Variants in HK2 observed in about 807,000 individuals in gnomAD.
HK2 encodes hexokinase 2, also known as hexokinase-2.
A neutral mutation model predicts 92.9 loss-of-function variants in HK2; 42 were observed. That is an observed-to-expected ratio of 0.45 (90% CI 0.35 to 0.58). The LOEUF is 0.58. HK2 is among the 20% of genes least tolerant of loss of function. The pLI is 0.00. For synonymous variants in HK2, 422 were observed against 468.0 expected, an observed-to-expected ratio of 0.90 and a Z score of 1.27; for missense variants, 978 against 1,245.1, an observed-to-expected ratio of 0.79 and a Z score of 3.23.
chr2:74,881,593 T>C, intron 10 of HK2, 118 bp from the exon 11 acceptor site: 1 of 992,088 alleles, frequency 1.0e-6, no homozygotes, highest in Non-Finnish European at 1.6e-6. Flanking sequence ...TTCTAGAATG[T>C]AATATAAAGT....
chr2:74,837,495 T>A (rs1234341567), intron 1 of HK2, among the ~76,000 whole-genome samples: 1 of 152,144 alleles, frequency 6.6e-6, no homozygotes, highest in Non-Finnish European at 1.5e-5. Context: ...CTTGGTTACT[T>A]TGGAGGCCTG....
intron 1 of HK2, among the ~76,000 whole-genome samples, chr2:74,845,278 A>AT (rs1688409971): frequency 6.6e-6 from 1 of 152,160 alleles, no homozygotes; most frequent in Non-Finnish European, 1.5e-5. Context: ...TGTCTCCTTT[A>AT]TCCCAGTATC....
chr2:74,857,511 C>T (rs775751411), intron 2 of HK2, among the ~76,000 whole-genome samples: 3 of 152,046 alleles, frequency 2.0e-5, no homozygotes, highest in South Asian at 2.1e-4. Flanking sequence ...GTTGCTTAAT[C>T]GCACCTATAA....
chr2:74,858,936 GT>G (rs922167281), intron 2 of HK2, among the ~76,000 whole-genome samples: 1 of 152,206 alleles, frequency 6.6e-6, no homozygotes, highest in Non-Finnish European at 1.5e-5. Context: ...TGCTTCATAG[GT>G]TGTGTGGCCT....
At chr2:74,859,810 A>G (rs768865487) in intron 2 of HK2, among the ~76,000 whole-genome samples, 3 of 152,190 alleles carry the variant, frequency 2.0e-5, no homozygotes, top group African/African-American at 7.2e-5. Context: ...CCATCCAGCA[A>G]TCTCACTATT....
intron 2 of HK2, among the ~76,000 whole-genome samples, chr2:74,862,726 C>T (rs545763043): frequency 6.6e-6 from 1 of 152,326 alleles, no homozygotes; most frequent in East Asian, 1.9e-4. Flanking sequence ...TAGATAGCCT[C>T]AGTACAGCAG....
At chr2:74,854,169 A>G in intron 1 of HK2, 124 bp from the exon 2 acceptor site, 1 of 937,104 alleles carries the variant, frequency 1.1e-6, no homozygotes, top group Non-Finnish European at 1.7e-6. Context: ...ATGGTCTTTA[A>G]TAATAACTTT....
intron 1 of HK2, among the ~76,000 whole-genome samples, chr2:74,851,110 C>T (rs1286487360): frequency 1.3e-5 from 2 of 152,156 alleles, no homozygotes; most frequent in Admixed American, 1.3e-4. Context: ...TGGGAGTGCC[C>T]ATCCACACTA....
intron 3 of HK2, among the ~76,000 whole-genome samples, chr2:74,871,586 G>A (rs549742649): frequency 6.6e-6 from 1 of 152,318 alleles, no homozygotes; most frequent in South Asian, 2.1e-4. Context: ...GTCCTGCACA[G>A]TGAGTGCGTG....
intron 1 of HK2, among the ~76,000 whole-genome samples, chr2:74,853,648 A>C (rs907227408): frequency 6.6e-6 from 1 of 151,840 alleles, no homozygotes. Context: ...AGGCTGGCTG[A>C]GATCTCATCA....
At position 74,890,966 on chromosome 2, in the gene HK2, C is replaced by T; in HGVS notation, c.*25C>T. 1 of 1,612,010 alleles carries T rather than the reference C, an allele frequency of 6.2e-7. No individual in the cohort carries two copies. The highest frequency in any genetic ancestry group is 8.5e-7 in the Non-Finnish European group (1 of 1,178,802). ...GAACCCCTGAAATCGGAAGGGACTTCCTCTTTCTCTCCTTCTTCCCTGTTT... is the reference window on the plus strand; with the variant it reads ...GAACCCCTGAAATCGGAAGGGACTTTCTCTTTCTCTCCTTCTTCCCTGTTT... On this transcript the variant is annotated 3_prime_UTR_variant, in exon 18 of 18. Coordinates refer to ENST00000290573, the MANE Select transcript of HK2 (RefSeq NM_000189.5).
chr2:74,854,239 A>G (rs1376648011), intron 1 of HK2, 54 bp from the exon 2 acceptor site: 11 of 1,548,958 alleles, frequency 7.1e-6, no homozygotes, highest in Non-Finnish European at 9.8e-6. Flanking sequence ...ACGTACACCT[A>G]TGCCATAATT....
Position 74,857,512 on chromosome 2 carries a change from G to A in HK2, c.226+3057G>A, listed in dbSNP as rs528194340. Among the ~76,000 whole-genome samples the A allele has an allele frequency of 5.3e-5, 8 of 152,144 alleles. No individual in the cohort carries two copies. The East Asian group carries it at 7.7e-4, about 15-fold the overall frequency. On this transcript the variant is annotated intron_variant, in intron 2 of 17. Transcript: ENST00000290573. Reference sequence around the variant, plus strand: ...ATGTTCATTACAGTGTTGCTTAATCGCACCTATAATCCCAGCTACTCAGGA... The same window carrying A: ...ATGTTCATTACAGTGTTGCTTAATCACACCTATAATCCCAGCTACTCAGGA...
At chr2:74,840,857 C>T (rs550684653) in intron 1 of HK2, among the ~76,000 whole-genome samples, 8 of 114,486 alleles carry the variant, frequency 7.0e-5, no homozygotes, top group Admixed American at 1.2e-4. Flanking sequence ...CCAGCCTGGG[C>T]GACAGAGCAA....
In HK2 at chr2:74,880,447, A is replaced by G. The variant is rs747310481; in HGVS notation, c.1448A>G (p.Gln483Arg). 6.2e-7 allele frequency: 1 copy of G among 1,614,110 alleles called. No homozygotes were observed. Among genetic ancestry groups the G allele is most frequent in the Non-Finnish European group, 8.5e-7 (1 of 1,180,054 alleles). Residue 483 changes from glutamine to arginine, a missense_variant, in exon 10 of 18, where the codon CAG (glutamine) becomes CGG (arginine). This residue lies in a region of HK2 where 742 missense variants were observed against 922.5 expected (regional missense o/e 0.80). Transcript: ENST00000290573. ...GAGCATCTGCAGCTGAGCCATGACC[A>G]GCTGCTGGAGGTCAAGAGGAGGATG... ...TLEHLQLSHD[Q>R]LLEVKRRMKV...
Position 74,884,610 on chromosome 2 carries a change from T to C in HK2, c.1840-884T>C, listed in dbSNP as rs1306204104. Among the ~76,000 whole-genome samples the C allele has an allele frequency of 2.6e-5, 4 of 152,210 alleles. No homozygotes were observed. In the East Asian group the frequency reaches 7.7e-4, roughly 29 times the overall value. ...ACACAGTGTGACACCTCCAGGTTGA[T>C]GTGAATGAAATGCCAAGCTGATGGG... On this transcript the variant is annotated intron_variant, in intron 12 of 17. Transcript: ENST00000290573.
Position 74,890,793 on chromosome 2 carries a change from C to T in HK2, c.2610-4C>T, listed in dbSNP as rs1689657592. On this transcript the variant is annotated splice_region_variant and splice_polypyrimidine_tract_variant and intron_variant, in intron 17 of 17. Coordinates refer to ENST00000290573, the MANE Select transcript of HK2 (RefSeq NM_000189.5). ...TTCCTGTGTCTTCCTCCCACCTTTTCCAGCTTTGCCAAAGTCATGCATGAG... is the reference window on the plus strand; with the variant it reads ...TTCCTGTGTCTTCCTCCCACCTTTTTCAGCTTTGCCAAAGTCATGCATGAG... The T allele has an allele frequency of 1.2e-6, 2 of 1,614,196 alleles. No individual in the cohort carries two copies. The highest frequency in any genetic ancestry group is 2.2e-5 in the East Asian group (1 of 44,888).
At chr2:74,866,144 G>C (rs1185487360) in intron 2 of HK2, among the ~76,000 whole-genome samples, 1 of 152,080 alleles carries the variant, frequency 6.6e-6, no homozygotes, top group East Asian at 1.9e-4. Context: ...GGACCCTAGG[G>C]ACTGTGGGTG....
chr2:74,873,980 C>G, intron 6 of HK2, 37 bp downstream of exon 6: 1 of 1,492,674 alleles, frequency 6.7e-7, no homozygotes, highest in East Asian at 2.3e-5. Flanking sequence ...CCGTGCTGGC[C>G]AAGGGATGGG....
Sources: gnomAD v4.1 joint callset for allele counts (sites outside exome capture counted in the v4.1 genomes callset) on GRCh38, gnomAD v4.1.1 for gene constraint, gnomAD v4.1.1 regional missense constraint, MANE v1.5 for transcripts, NCBI Gene and HGNC (gene_info 2026-07-23, HGNC 2026-07-21) for gene names.